The following RIMS2 variants were observed in gnomAD, a reference collection of about 807,000 sequenced individuals.
RIMS2 encodes regulating synaptic membrane exocytosis protein 2.
In RIMS2, 59 loss-of-function variants were observed where a neutral mutation model predicts 174.4. The observed-to-expected ratio is 0.34, with a 90% CI of 0.27 to 0.42. The LOEUF is 0.42. Ranked by LOEUF, RIMS2 falls within the 10% of genes least tolerant of loss-of-function variation. The pLI is 1.00. For missense variants in RIMS2, 1,620 were observed against 1,666.3 expected, an observed-to-expected ratio of 0.97 and a Z score of 0.48; for synonymous variants, 606 against 572.5, an observed-to-expected ratio of 1.06 and a Z score of -0.84.
chr8:103,697,462 C>T (rs2097117274), intron 2 of RIMS2, among the ~76,000 whole-genome samples, 166 bp downstream of exon 4: 1 of 151,894 alleles, frequency 6.6e-6, no homozygotes, highest in Non-Finnish European at 1.5e-5. Context: ...TAATCTTAGC[C>T]CTTTGGTAGG....
chr8:103,681,926 T>C (rs562744272), intron 1 of RIMS2, among the ~76,000 whole-genome samples: 1 of 152,126 alleles, frequency 6.6e-6, no homozygotes, highest in East Asian at 1.9e-4. Context: ...TGGAGACAAG[T>C]GGAAGGATTC....
intron 19 of RIMS2, among the ~76,000 whole-genome samples, chr8:104,209,131 A>G (rs140847759): frequency 9.8e-5 from 15 of 152,370 alleles, no homozygotes; most frequent in African/African-American, 3.6e-4. Flanking sequence ...AGCAAGTGTT[A>G]GAAATCTTGG....
At chr8:103,889,471 G>A (rs962588476) in intron 4 of RIMS2, among the ~76,000 whole-genome samples, 2 of 151,550 alleles carry the variant, frequency 1.3e-5, no homozygotes, top group African/African-American at 2.4e-5. Context: ...ATTTTAAAAT[G>A]TTAACCAACA....
chr8:103,834,732 C>T, intron 3 of RIMS2, among the ~76,000 whole-genome samples: 2 of 129,194 alleles, frequency 1.5e-5, no homozygotes, highest in African/African-American at 3.1e-5. Context: ...TTCTTTCTTT[C>T]TTTCTTTCTT....
At chr8:103,710,564 G>C (rs2097291435) in intron 2 of RIMS2, among the ~76,000 whole-genome samples, 1 of 152,094 alleles carries the variant, frequency 6.6e-6, no homozygotes, top group African/African-American at 2.4e-5. Flanking sequence ...AGTGATGTTA[G>C]AAAGACATTA....
intron 19 of RIMS2, among the ~76,000 whole-genome samples, chr8:104,146,425 C>T (rs78949341): frequency 0.041 from 6,291 of 152,032 alleles, 297 homozygotes; most frequent in East Asian, 0.15. Context: ...GTAAATAATG[C>T]TTTATTAAAG....
intron 1 of RIMS2, among the ~76,000 whole-genome samples, chr8:103,569,582 A>T (rs1437277826): frequency 6.6e-6 from 1 of 151,962 alleles, no homozygotes; most frequent in Non-Finnish European, 1.5e-5. Context: ...CACTGCTTTT[A>T]TTAAATTTGT....
chr8:103,910,527 A>G, intron 5 of RIMS2: 2 of 1,581,190 alleles, frequency 1.3e-6, no homozygotes, highest in Non-Finnish European at 1.7e-6. Context: ...CCATAGTGAT[A>G]AGGTACTGAG....
intron 1 of RIMS2, among the ~76,000 whole-genome samples, chr8:103,674,887 A>G (rs896033834): frequency 6.6e-6 from 1 of 152,144 alleles, no homozygotes; most frequent in Non-Finnish European, 1.5e-5. Flanking sequence ...AAAGTATATA[A>G]CCTTGAATTT....
At chr8:103,600,259 T>TTTTCTTTCTTTCTTTCTTTCTTTCTTTC (rs71575973) in intron 1 of RIMS2, among the ~76,000 whole-genome samples, 39 of 151,286 alleles carry the variant, frequency 2.6e-4, no homozygotes, top group African/African-American at 7.8e-4. Context: ...AAATGCTACA[T>TTTTCTTTCTTTCTTTCTTTCTTTCTTTC]TTTCTTTCTT....
intron 2 of RIMS2, among the ~76,000 whole-genome samples, chr8:103,720,134 T>C (rs1402138079): frequency 1.3e-5 from 2 of 152,256 alleles, no homozygotes; most frequent in Admixed American, 1.3e-4. Flanking sequence ...GTATACAAGT[T>C]ATCTTTTGGT....
At chr8:103,875,786 G>GT (rs2099133416) in intron 3 of RIMS2, among the ~76,000 whole-genome samples, 1 of 151,830 alleles carries the variant, frequency 6.6e-6, no homozygotes, top group African/African-American at 2.4e-5. Flanking sequence ...TTTTCTGACT[G>GT]TTTAATAATG....
intron 2 of RIMS2, among the ~76,000 whole-genome samples, chr8:103,706,440 A>T (rs190477056): frequency 0.025 from 3,809 of 150,978 alleles, 73 homozygotes; most frequent in Middle Eastern, 0.041. Flanking sequence ...TCTTTTTTTT[A>T]AAAAAAAATT....
At chr8:103,891,675 C>T (rs1290755446) in intron 4 of RIMS2, among the ~76,000 whole-genome samples, 1 of 151,884 alleles carries the variant, frequency 6.6e-6, no homozygotes, top group African/African-American at 2.4e-5. Flanking sequence ...TAAAAAGTGG[C>T]CTAGCAAATG....
chr8:103,998,349 T>TAAAAAC, intron 17 of RIMS2: 1 of 652,694 alleles, frequency 1.5e-6, no homozygotes, highest in Non-Finnish European at 2.6e-6. Context: ...TGTATATACA[T>TAAAAAC]ATATGGTTGT....
At chr8:104,212,620 G>C (rs114812298) in intron 19 of RIMS2, among the ~76,000 whole-genome samples, 1 of 151,902 alleles carries the variant, frequency 6.6e-6, no homozygotes, top group South Asian at 2.1e-4. Context: ...ACACACACAC[G>C]CATGTTCATT....
chr8:104,130,850 A>G (rs534664496), intron 19 of RIMS2, among the ~76,000 whole-genome samples: 8 of 152,190 alleles, frequency 5.3e-5, no homozygotes, highest in Non-Finnish European at 8.8e-5. Flanking sequence ...TTTATGAAAG[A>G]GAAAAAAGCA....
At chr8:103,845,563 A>C (rs78123111) in intron 3 of RIMS2, among the ~76,000 whole-genome samples, 4,730 of 152,254 alleles carry the variant, frequency 0.031, 222 homozygotes, top group African/African-American at 0.11. Context: ...GATAAGTAAT[A>C]TGCCCATGAT....
intron 1 of RIMS2, among the ~76,000 whole-genome samples, chr8:103,669,143 A>G (rs1442523666): frequency 6.6e-6 from 1 of 152,148 alleles, no homozygotes; most frequent in Non-Finnish European, 1.5e-5. Context: ...CAAAAGGCAC[A>G]TCTTACATGG....
Sources: gnomAD v4.1 joint callset for allele counts (sites outside exome capture counted in the v4.1 genomes callset) on GRCh38, gnomAD v4.1.1 for gene constraint, MANE v1.5 for transcripts, NCBI Gene and HGNC (gene_info 2026-07-23, HGNC 2026-07-21) for gene names.